CFAP299: variants seen among roughly 807,000 people sequenced by gnomAD.
CFAP299 encodes cilia and flagella associated protein 299.
In CFAP299, 21 loss-of-function variants were observed where a neutral mutation model predicts 27.0. The observed-to-expected ratio is 0.78, with a 90% CI of 0.55 to 1.12. The LOEUF (loss-of-function observed/expected upper bound fraction) is 1.12, where lower values mean the gene tolerates loss of function less well. CFAP299 is among the 50% of genes most tolerant of loss of function. The pLI is 0.00. For missense variants in CFAP299, 310 were observed against 276.6 expected, an observed-to-expected ratio of 1.12 and a Z score of -0.86; for synonymous variants, 104 against 98.1, an observed-to-expected ratio of 1.06 and a Z score of -0.36.
Position 80,505,133 on chromosome 4 carries a change from T to C in CFAP299, c.243-77960T>C, listed in dbSNP as rs549250930. The stretch of plus-strand genomic sequence containing the variant: ...GGCTGGATGTGGGAAATCTTATATA[T>C]TGATATATATATAAATGATACATAT... On this transcript the variant is annotated intron_variant, in intron 2 of 5. Coordinates refer to ENST00000358105, the MANE Select transcript of CFAP299 (RefSeq NM_152770.3). 2.6e-4 allele frequency among the ~76,000 whole-genome samples: 38 copies of C among 144,456 alleles called. No individual in the cohort carries two copies. In the South Asian group the frequency reaches 8.3e-3, roughly 32 times the overall value. The allele number at this position is 144,456 out of a possible 152,430, so 94.8% of individuals were successfully genotyped here.
intron 1 of CFAP299, among the ~76,000 whole-genome samples, chr4:80,353,044 CAGAAGGAAT>C (rs1255932326): frequency 6.6e-6 from 1 of 151,970 alleles, no homozygotes; most frequent in African/African-American, 2.4e-5. Context: ...AGCAAGTAGA[CAGAAGGAAT>C]AACAAAGAGC....
chr4:80,955,199 G>T (rs1738007534), intron 5 of CFAP299, among the ~76,000 whole-genome samples: 1 of 152,012 alleles, frequency 6.6e-6, no homozygotes, highest in South Asian at 2.1e-4. Context: ...CAAGTTGGAA[G>T]GGAATGAGAA....
At chr4:80,696,253 C>A (rs1431481455) in intron 3 of CFAP299, among the ~76,000 whole-genome samples, 1 of 148,310 alleles carries the variant, frequency 6.7e-6, no homozygotes, top group Non-Finnish European at 1.5e-5. Context: ...GTGAGCCAGT[C>A]ACACCACTGC....
At chr4:80,795,045 G>A (rs1305855099) in intron 3 of CFAP299, among the ~76,000 whole-genome samples, 1 of 152,164 alleles carries the variant, frequency 6.6e-6, no homozygotes, top group Non-Finnish European at 1.5e-5. Context: ...AGATGACAGG[G>A]ATGGCTGGGG....
At chr4:80,954,343 C>A (rs1737940887) in intron 5 of CFAP299, among the ~76,000 whole-genome samples, 1 of 152,128 alleles carries the variant, frequency 6.6e-6, no homozygotes, top group African/African-American at 2.4e-5. Context: ...CCACTCCCAG[C>A]AAATACTCAT....
At chr4:80,756,496 A>T (rs1399146347) in intron 3 of CFAP299, among the ~76,000 whole-genome samples, 1 of 152,060 alleles carries the variant, frequency 6.6e-6, no homozygotes, top group East Asian at 1.9e-4. Flanking sequence ...TAAGAATGTT[A>T]TTTACATTAT....
At chr4:80,843,449 T>G (rs1730978478) in intron 3 of CFAP299, among the ~76,000 whole-genome samples, 1 of 152,198 alleles carries the variant, frequency 6.6e-6, no homozygotes, top group African/African-American at 2.4e-5. Context: ...GTGGTGTATA[T>G]GTGCCACATT....
At chr4:80,772,286 T>A (rs559217620) in intron 3 of CFAP299, among the ~76,000 whole-genome samples, 58 of 152,212 alleles carry the variant, frequency 3.8e-4, no homozygotes, top group African/African-American at 1.3e-3. Flanking sequence ...CAAAAATATG[T>A]CAAGAGTTGC....
intron 2 of CFAP299, among the ~76,000 whole-genome samples, chr4:80,397,368 C>T (rs1392554774): frequency 1.3e-5 from 2 of 151,754 alleles, no homozygotes; most frequent in South Asian, 2.1e-4. Context: ...GGTTTTTTTG[C>T]GTCTCTATCT....
At chr4:80,553,293 C>T (rs1578589425) in intron 2 of CFAP299, among the ~76,000 whole-genome samples, 1 of 152,170 alleles carries the variant, frequency 6.6e-6, no homozygotes, top group East Asian at 1.9e-4. Flanking sequence ...TAGCCTCCAG[C>T]TCCATCCATG....
At chr4:80,904,482 C>T (rs1472425552) in intron 4 of CFAP299, among the ~76,000 whole-genome samples, 1 of 152,066 alleles carries the variant, frequency 6.6e-6, no homozygotes, top group Non-Finnish European at 1.5e-5. Flanking sequence ...ATAATCTCAA[C>T]TTTTTTTCAT....
chr4:80,872,488 A>AT (rs1157848630), intron 4 of CFAP299: 1 of 152,034 alleles, frequency 6.6e-6, no homozygotes, highest in Non-Finnish European at 1.5e-5. Context: ...CAAAATAAAT[A>AT]TTTTTTTCAT....
chr4:80,695,716 A>G (rs1447098123), intron 3 of CFAP299, among the ~76,000 whole-genome samples: 1 of 138,446 alleles, frequency 7.2e-6, no homozygotes, highest in Non-Finnish European at 1.5e-5. Context: ...TCTGTTGCCC[A>G]GGCTGGAGTG....
intron 2 of CFAP299, among the ~76,000 whole-genome samples, chr4:80,406,078 T>G (rs909213811): frequency 2.0e-5 from 3 of 152,190 alleles, no homozygotes; most frequent in Non-Finnish European, 4.4e-5. Flanking sequence ...AAAAACCTAA[T>G]GTCCCACACA....
At chr4:80,387,087 A>C (rs1578383894) in intron 2 of CFAP299, 1 of 1,443,490 alleles carries the variant, frequency 6.9e-7, no homozygotes, top group South Asian at 1.1e-5. Context: ...GGCGGTCTGC[A>C]GGTGATGCTC....
intron 3 of CFAP299, among the ~76,000 whole-genome samples, chr4:80,849,007 T>C (rs568943565): frequency 2.2e-4 from 33 of 152,300 alleles, no homozygotes; most frequent in African/African-American, 7.9e-4. Flanking sequence ...TTCTTTCTTC[T>C]ATAATAAATT....
intron 2 of CFAP299, among the ~76,000 whole-genome samples, chr4:80,481,926 TTTAA>T (rs1730589087): frequency 1.3e-5 from 2 of 152,018 alleles, no homozygotes; most frequent in Non-Finnish European, 2.9e-5. Context: ...ATATCAAATA[TTTAA>T]TTAAGAGCTT....
At chr4:80,954,641 G>A (rs2110239205) in intron 5 of CFAP299, among the ~76,000 whole-genome samples, 1 of 152,154 alleles carries the variant, frequency 6.6e-6, no homozygotes, top group Non-Finnish European at 1.5e-5. Flanking sequence ...TACCTCATAA[G>A]TATATGAGGT....
intron 2 of CFAP299, among the ~76,000 whole-genome samples, chr4:80,401,480 G>T (rs1005907230): frequency 1.1e-4 from 17 of 152,300 alleles, no homozygotes; most frequent in Admixed American, 9.8e-4. Context: ...GGCTTCAGAG[G>T]GGGGAAGCCC....
Sources: allele counts gnomAD v4.1 joint callset (sites outside exome capture counted in the v4.1 genomes callset), GRCh38; gene constraint gnomAD v4.1.1; transcripts MANE v1.5; gene names NCBI Gene and HGNC (gene_info 2026-07-23, HGNC 2026-07-21).